Variants in BASP1 observed in about 807,000 individuals in gnomAD.
BASP1 encodes brain abundant membrane attached signal protein 1.
Under a neutral mutation model 2.2 loss-of-function variants are expected in BASP1, and 1 was observed. That is an observed-to-expected ratio of 0.46 (90% CI 0.16 to 2.17). The LOEUF is 2.17. BASP1 is among the 30% of genes most tolerant of loss of function. The pLI is 0.27. For missense variants in BASP1, 352 were observed against 327.2 expected (o/e 1.08, Z -0.58); for synonymous variants, 187 against 154.2 (o/e 1.21, Z -1.58).
chr5:17,234,588 A>T (rs1282687930), intron 1 of BASP1, among the ~76,000 whole-genome samples: 1 of 152,202 alleles, frequency 6.6e-6, no homozygotes. Flanking sequence ...TTTTTCTACC[A>T]TGTGAATGTG....
In BASP1 at chr5:17,230,202, A is replaced by G. The variant is rs79721318; in HGVS notation, c.-10+12392A>G. Among the ~76,000 whole-genome samples, 740 of 152,314 alleles carry G rather than the reference A, an allele frequency of 4.9e-3. 9 individuals are homozygous for G. Among genetic ancestry groups the G allele is most frequent in the African/African-American group, 0.017 (695 of 41,556 alleles). On this transcript the variant is annotated intron_variant, in intron 1 of 1. Transcript: ENST00000322611. ...GGCCACTTTAAAATCCTATTCTAGC[A>G]TCTGTGCTTTCTTTTAGGGATTCAT...
Position 17,275,234 on chromosome 5 carries a change from CAAG to C in BASP1, c.28_30del (p.Lys10del), listed in dbSNP as rs753528917. 17 of 1,613,278 alleles carry C rather than the reference CAAG, an allele frequency of 1.1e-5. No homozygotes were observed. The highest frequency in any genetic ancestry group is 2.2e-5 in the East Asian group (1 of 44,790). On this transcript the variant is annotated inframe_deletion, in exon 2 of 2. Coordinates refer to ENST00000322611, the MANE Select transcript of BASP1 (RefSeq NM_006317.5). The surrounding 1 kb of genome is among the most constrained non-coding windows in gnomAD (Gnocchi z 5.3). The stretch of plus-strand genomic sequence containing the variant: ...ACTCCAAGATGGGAGGCAAGCTCAG[CAAG>C]AAGAAGAAGGGCTACAATGTGAACG...
At chr5:17,254,211 A>ATCT (rs10629133) in intron 1 of BASP1, among the ~76,000 whole-genome samples, 152,300 of 152,306 alleles carry the variant, frequency 1, 76,147 homozygotes, top group Non-Finnish European at 1. Context: ...TAAGCAGATT[A>ATCT]TCTTTTTAGC....
intron 1 of BASP1, among the ~76,000 whole-genome samples, chr5:17,220,378 G>T (rs1739373095): frequency 6.6e-6 from 1 of 152,094 alleles, no homozygotes; most frequent in Non-Finnish European, 1.5e-5. Flanking sequence ...CGAGGGGTAT[G>T]TTGGAATATA....
At chr5:17,245,740 C>T (rs1382818996) in intron 1 of BASP1, among the ~76,000 whole-genome samples, 1 of 150,554 alleles carries the variant, frequency 6.6e-6, no homozygotes, top group Non-Finnish European at 1.5e-5. Context: ...GCTGGAGTGG[C>T]TGAAGGAAAA....
chr5:17,235,576 T>C (rs1248372878), intron 1 of BASP1, among the ~76,000 whole-genome samples: 1 of 152,176 alleles, frequency 6.6e-6, no homozygotes. Context: ...CTTTATGTTT[T>C]TTCATATGAA....
At chr5:17,230,482 G>GT (rs1739609813) in intron 1 of BASP1, among the ~76,000 whole-genome samples, 1 of 152,126 alleles carries the variant, frequency 6.6e-6, no homozygotes, top group South Asian at 2.1e-4. Flanking sequence ...TACTTACAGG[G>GT]ATTCTTTTGA....
chr5:17,251,778 T>C lies in BASP1; in HGVS notation c.-9-23430T>C, dbSNP rs545508782. Among the ~76,000 whole-genome samples the C allele has an allele frequency of 6.6e-6, 1 of 152,222 alleles. No individual in the cohort carries two copies. Among genetic ancestry groups the C allele is most frequent in the East Asian group, 1.9e-4 (1 of 5,190 alleles). ...GGCGATGGGGTGGATGTGGTTCTAA[T>C]CTCTTGGGAGGGAGCAGAGGAGAAA... On this transcript the variant is annotated intron_variant, in intron 1 of 1. Transcript: ENST00000322611. This position sits in a 1 kb window ranked among gnomAD's most constrained non-coding sequence, Gnocchi z 4.0.
intron 1 of BASP1, among the ~76,000 whole-genome samples, chr5:17,267,486 T>C (rs1290408889): frequency 6.6e-6 from 1 of 152,124 alleles, no homozygotes; most frequent in African/African-American, 2.4e-5. Context: ...TATTTGGATG[T>C]CATTTTACAA....
At chr5:17,274,463 T>C (rs943104161) in intron 1 of BASP1, among the ~76,000 whole-genome samples, 2 of 152,212 alleles carry the variant, frequency 1.3e-5, no homozygotes, top group African/African-American at 4.8e-5. Context: ...GATTTGTGCT[T>C]TATTACAGCT....
At chr5:17,263,446 T>C (rs979351789) in intron 1 of BASP1, among the ~76,000 whole-genome samples, 1 of 152,204 alleles carries the variant, frequency 6.6e-6, no homozygotes, top group South Asian at 2.1e-4. Flanking sequence ...GGTATTACAA[T>C]TTTTGAATAA....
At chr5:17,243,745 C>G (rs917575685) in intron 1 of BASP1, among the ~76,000 whole-genome samples, 1 of 152,194 alleles carries the variant, frequency 6.6e-6, no homozygotes, top group Admixed American at 6.5e-5. Flanking sequence ...ATGTGTGACT[C>G]TCACCATTTC....
At chr5:17,264,159 T>C (rs1740372138) in intron 1 of BASP1, among the ~76,000 whole-genome samples, 1 of 152,256 alleles carries the variant, frequency 6.6e-6, no homozygotes, top group Non-Finnish European at 1.5e-5. Context: ...AAAGGGCCAG[T>C]CACTTGTTGA....
Position 17,242,813 on chromosome 5 carries a change from G to T in BASP1, c.-10+25003G>T, listed in dbSNP as rs1309003734. 2.0e-5 allele frequency among the ~76,000 whole-genome samples: 3 copies of T among 148,736 alleles called. No homozygotes were observed. The South Asian group carries it at 6.4e-4, about 32-fold the overall frequency. On this transcript the variant is annotated intron_variant, in intron 1 of 1. Transcript: ENST00000322611. ...TGCGTGCTAATGTCCTTGAGGAGTC[G>T]AAGTAAGTCTAGGAAAAAAAAAGTC... is the stretch of plus-strand genomic sequence containing the variant.
intron 1 of BASP1, among the ~76,000 whole-genome samples, chr5:17,224,042 A>G (rs1219591160): frequency 6.6e-6 from 1 of 152,198 alleles, no homozygotes; most frequent in Non-Finnish European, 1.5e-5. Flanking sequence ...GACCTTAGAA[A>G]TCAGGAACTC....
chr5:17,228,032 C>T (rs1027513024), intron 1 of BASP1, among the ~76,000 whole-genome samples: 2 of 152,148 alleles, frequency 1.3e-5, no homozygotes, highest in African/African-American at 4.8e-5. Context: ...TAATGCTTCC[C>T]AGGTATGTGT....
At chr5:17,222,496 T>C (rs940311622) in intron 1 of BASP1, among the ~76,000 whole-genome samples, 2 of 152,176 alleles carry the variant, frequency 1.3e-5, no homozygotes, top group Admixed American at 1.3e-4. Flanking sequence ...AGATGTCTGG[T>C]AAATGCTCTC....
At chr5:17,244,387 C>G (rs1739934350) in intron 1 of BASP1, among the ~76,000 whole-genome samples, 1 of 152,152 alleles carries the variant, frequency 6.6e-6, no homozygotes, top group South Asian at 2.1e-4. Flanking sequence ...ATCAGGAAAA[C>G]AGATTCCTTA....
At position 17,251,816 on chromosome 5, in the gene BASP1, A is replaced by G. The variant is rs1740107077; in HGVS notation, c.-9-23392A>G. Among the ~76,000 whole-genome samples the G allele has an allele frequency of 6.6e-6, 1 of 152,148 alleles. No individual in the cohort carries two copies. Among genetic ancestry groups the G allele is most frequent in the African/African-American group, 2.4e-5 (1 of 41,418 alleles). On this transcript the variant is annotated intron_variant, in intron 1 of 1. Transcript: ENST00000322611. This position sits in a 1 kb window ranked among gnomAD's most constrained non-coding sequence, Gnocchi z 4.0. ...AGCAGAGGAGAAAGAAGGTTCGGGT[A>G]GGTGAGAAAGGTAGTGATGAGCTCA...
Sources: gnomAD v4.1 joint callset for allele counts (sites outside exome capture counted in the v4.1 genomes callset) on GRCh38, gnomAD v4.1.1 for gene constraint, Gnocchi (gnomAD v3.1) non-coding constraint, MANE v1.5 for transcripts, NCBI Gene and HGNC (gene_info 2026-07-23, HGNC 2026-07-21) for gene names.